Variants in DECR1 observed in about 807,000 individuals in gnomAD.
The protein encoded by DECR1 is 2,4-dienoyl-CoA reductase [(3E)-enoyl-CoA-producing], mitochondrial.
A neutral mutation model predicts 38.8 loss-of-function variants in DECR1; 44 were observed. The observed-to-expected ratio is 1.13, with a 90% CI of 0.89 to 1.46. DECR1 has a LOEUF of 1.46. Among genes scored for constraint, DECR1 ranks in the 40% most tolerant of loss-of-function variants. DECR1 has a pLI of 0.00. For missense variants in DECR1, 428 were observed against 405.5 expected (o/e 1.06, Z -0.48); for synonymous variants, 148 against 135.2 (o/e 1.09, Z -0.66).
At chr8:90,042,194 C>T (rs1287861305) in intron 6 of DECR1, among the ~76,000 whole-genome samples, 1 of 151,986 alleles carries the variant, frequency 6.6e-6, no homozygotes, top group East Asian at 1.9e-4. Context: ...TATTTTCAAT[C>T]GATGTACTCT....
chr8:90,024,437 G>A lies in DECR1; in HGVS notation c.565+3381G>A, dbSNP rs967269052. Among the ~76,000 whole-genome samples the A allele has an allele frequency of 5.9e-5, 9 of 152,216 alleles. No individual in the cohort carries two copies. The South Asian group carries it at 1.2e-3, about 21-fold the overall frequency. On this transcript the variant is annotated intron_variant, in intron 5 of 9. Transcript: ENST00000220764. Reference sequence around the variant, plus strand: ...AACTGGTGTGAGATGGTATCTCATCGTGGTTTTGATTTGCATTTCTCTGAT... The same window carrying A: ...AACTGGTGTGAGATGGTATCTCATCATGGTTTTGATTTGCATTTCTCTGAT...
At chr8:90,013,170 T>C (rs1285126839) in intron 1 of DECR1, among the ~76,000 whole-genome samples, 2 of 152,142 alleles carry the variant, frequency 1.3e-5, no homozygotes, top group Non-Finnish European at 2.9e-5. Flanking sequence ...CCATCCATAG[T>C]GATGATGATG....
intron 5 of DECR1, among the ~76,000 whole-genome samples, chr8:90,033,644 G>A (rs1813551129): frequency 6.6e-6 from 1 of 152,134 alleles, no homozygotes; most frequent in Non-Finnish European, 1.5e-5. Context: ...TTACACTCAT[G>A]AGAATTAAAA....
intron 6 of DECR1, among the ~76,000 whole-genome samples, chr8:90,040,055 A>G (rs901556417): frequency 4.6e-5 from 7 of 152,196 alleles, no homozygotes; most frequent in Non-Finnish European, 4.4e-5. Context: ...AGATCATGCT[A>G]GCAATTGAAC....
At chr8:90,032,171 C>T (rs1185849284) in intron 5 of DECR1, among the ~76,000 whole-genome samples, 1 of 152,026 alleles carries the variant, frequency 6.6e-6, no homozygotes, top group Non-Finnish European at 1.5e-5. Context: ...TATCCAGGCT[C>T]ATTTAGGTCG....
Position 90,019,205 on chromosome 8 carries a change from G to A in DECR1, c.417+33G>A, listed in dbSNP as rs1805879. The A allele has an allele frequency of 0.024, 36,364 of 1,545,328 alleles. 4,892 individuals are homozygous for A. In the African/African-American group the frequency reaches 0.36, roughly 15 times the overall value. ...TAGCAATGATGAAGCCAAAGTGCAA[G>A]ACACTTGATGTTGATAACACCCACC... On this transcript the variant is annotated intron_variant, in intron 4 of 9. Transcript: ENST00000220764.
chr8:90,001,902 C>T (rs1812622746), intron 1 of DECR1, among the ~76,000 whole-genome samples: 1 of 149,796 alleles, frequency 6.7e-6, no homozygotes, highest in African/African-American at 2.5e-5. Context: ...GGCAGGAAGT[C>T]TTGGGGCACA....
chr8:90,037,340 A>G (rs1177904815), intron 6 of DECR1, among the ~76,000 whole-genome samples: 1 of 152,140 alleles, frequency 6.6e-6, no homozygotes, highest in African/African-American at 2.4e-5. Flanking sequence ...CCCTCTCATA[A>G]GCACACGTTT....
chr8:90,027,704 T>C (rs1813386189), intron 5 of DECR1, among the ~76,000 whole-genome samples: 2 of 152,118 alleles, frequency 1.3e-5, no homozygotes, highest in Non-Finnish European at 2.9e-5. Context: ...AATTGGAGCA[T>C]TTAGCCCATT....
Position 90,037,151 on chromosome 8 carries a change from G to A in DECR1, c.665+211G>A, listed in dbSNP as rs74440493. 2.0e-3 allele frequency: 996 copies of A among 507,922 alleles called. 15 individuals are homozygous for A. The highest frequency in any genetic ancestry group is 0.017 in the African/African-American group (878 of 52,114). The allele number at this position is 507,922 out of a possible 1,614,324, so 31.5% of individuals were successfully genotyped here. On this transcript the variant is annotated intron_variant, in intron 6 of 9. Coordinates refer to ENST00000220764, the MANE Select transcript of DECR1 (RefSeq NM_001359.2). ...CTTTCTGCAGTGATGTAAATGTTCTGTAAATATGCACTATCCAGTATCCAC... is the reference window on the plus strand; with the variant it reads ...CTTTCTGCAGTGATGTAAATGTTCTATAAATATGCACTATCCAGTATCCAC...
In DECR1 at chr8:90,005,691, T is replaced by C. The variant is rs1812721462; in HGVS notation, c.69+4130T>C. 8.0e-5 allele frequency: 27 copies of C among 339,426 alleles called. 1 individual carries two copies. The highest frequency in any genetic ancestry group is 6.2e-4 in the South Asian group (27 of 43,598). 21.0% of individuals were successfully genotyped at this position (339,426 alleles called of 1,614,324 possible). ...CAACTGTCTCTGCACAGACAGATTGTACCTCAGTCTGTGTTGCTATAAAGG... is the reference window on the plus strand; with the variant it reads ...CAACTGTCTCTGCACAGACAGATTGCACCTCAGTCTGTGTTGCTATAAAGG... On this transcript the variant is annotated intron_variant, in intron 1 of 9. Transcript: ENST00000220764.
At chr8:90,038,449 C>T (rs113859020) in intron 6 of DECR1, among the ~76,000 whole-genome samples, 8 of 140,094 alleles carry the variant, frequency 5.7e-5, no homozygotes, top group Admixed American at 3.6e-4. Flanking sequence ...CAGGGCATCG[C>T]GGGCCTTTTT....
intron 7 of DECR1, 41 bp downstream of exon 7, chr8:90,042,841 A>G: frequency 6.6e-7 from 1 of 1,509,066 alleles, no homozygotes; most frequent in Non-Finnish European, 9.2e-7. Context: ...TGAATGATTA[A>G]ATAATGAAAC....
chr8:90,032,876 G>A (rs929780981), intron 5 of DECR1, among the ~76,000 whole-genome samples: 1 of 152,180 alleles, frequency 6.6e-6, no homozygotes, highest in Non-Finnish European at 1.5e-5. Context: ...TTAATACACA[G>A]CTAGTAAATG....
At chr8:90,046,958 A>G (rs1813922929) in intron 8 of DECR1, among the ~76,000 whole-genome samples, 1 of 152,202 alleles carries the variant, frequency 6.6e-6, no homozygotes. Flanking sequence ...AAGGAGAAAT[A>G]AAATACTTTA....
At chr8:90,004,303 C>T (rs929101706) in intron 1 of DECR1, among the ~76,000 whole-genome samples, 20 of 150,642 alleles carry the variant, frequency 1.3e-4, no homozygotes, top group Non-Finnish European at 2.7e-4. Flanking sequence ...GCCAAGATCA[C>T]GCCATTGCAC....
At chr8:90,042,660 T>A (rs1256137493) in intron 6 of DECR1, 68 bp from the exon 7 acceptor site, 1 of 1,338,498 alleles carries the variant, frequency 7.5e-7, no homozygotes, top group East Asian at 2.3e-5. Flanking sequence ...CTAGTGAGTC[T>A]CAGTTATTAC....
chr8:90,001,483 G>A lies in DECR1; in HGVS notation c.-10G>A, dbSNP rs546549280. ...GCGCCGCCTTCCGGCCCGAGTTCTG[G>A]AGACTCAACATGAAGCTACCGGCCA... On this transcript the variant is annotated 5_prime_UTR_variant, in exon 1 of 10. Coordinates refer to ENST00000220764, the MANE Select transcript of DECR1 (RefSeq NM_001359.2). The A allele has an allele frequency of 6.2e-6, 10 of 1,613,988 alleles. No homozygotes were observed. The highest frequency in any genetic ancestry group is 5.3e-5 in the African/African-American group (4 of 75,054).
chr8:90,037,346 C>T (rs564993101), intron 6 of DECR1, among the ~76,000 whole-genome samples: 18 of 152,150 alleles, frequency 1.2e-4, no homozygotes, highest in Admixed American at 3.9e-4. Flanking sequence ...CATAAGCACA[C>T]GTTTATTCTT....
Sources: allele counts gnomAD v4.1 joint callset (sites outside exome capture counted in the v4.1 genomes callset), GRCh38; gene constraint gnomAD v4.1.1; transcripts MANE v1.5; gene names NCBI Gene and HGNC (gene_info 2026-07-23, HGNC 2026-07-21).